The following ZMYND8 variants were observed in gnomAD, a reference collection of about 807,000 sequenced individuals.
ZMYND8 encodes zinc finger MYND-type containing 8, also known as MYND-type zinc finger-containing chromatin reader ZMYND8.
In ZMYND8, 37 loss-of-function variants were observed where a neutral mutation model predicts 140.8. The observed-to-expected ratio is 0.26, with a 90% CI of 0.20 to 0.35. The LOEUF (loss-of-function observed/expected upper bound fraction) is 0.35. Among genes scored for constraint, ZMYND8 ranks in the 10% least tolerant of loss-of-function variants. The probability of loss-of-function intolerance (pLI) is 1.00; values close to 1 mark genes in which losing one functional copy is unlikely to be tolerated. For missense variants in ZMYND8, 1,068 were observed against 1,570.0 expected, an observed-to-expected ratio of 0.68 and a Z score of 5.40; for synonymous variants, 592 against 597.1, an observed-to-expected ratio of 0.99 and a Z score of 0.12.
chr20:47,341,935 G>A (rs187572671), intron 2 of ZMYND8, among the ~76,000 whole-genome samples: 3 of 151,930 alleles, frequency 2.0e-5, no homozygotes, highest in African/African-American at 4.8e-5. Context: ...CCCGGGAGGC[G>A]GAGCTTGCAG....
chr20:47,300,592 T>TGAAAGA, intron 3 of ZMYND8, among the ~76,000 whole-genome samples: 1 of 152,334 alleles, frequency 6.6e-6, no homozygotes, highest in East Asian at 1.9e-4. Context: ...TAACATCAGT[T>TGAAAGA]TTGTCTTTTC....
chr20:47,331,779 G>A (rs948985992), intron 2 of ZMYND8, among the ~76,000 whole-genome samples: 3 of 152,168 alleles, frequency 2.0e-5, no homozygotes, highest in African/African-American at 7.2e-5. Flanking sequence ...CAGCAGATGA[G>A]GATGGAAAAC....
intron 14 of ZMYND8, among the ~76,000 whole-genome samples, chr20:47,245,667 G>A (rs1480338730): frequency 2.0e-5 from 3 of 152,234 alleles, no homozygotes; most frequent in Non-Finnish European, 4.4e-5. Context: ...GGAAATAAAT[G>A]AGCATATTGG....
chr20:47,269,946 A>C (rs1212087048), intron 11 of ZMYND8, among the ~76,000 whole-genome samples: 1 of 152,250 alleles, frequency 6.6e-6, no homozygotes, highest in African/African-American at 2.4e-5. Context: ...AAACATATTC[A>C]GAATACAAGG....
chr20:47,260,231 G>A (rs2075052516), intron 12 of ZMYND8, among the ~76,000 whole-genome samples: 1 of 152,088 alleles, frequency 6.6e-6, no homozygotes, highest in African/African-American at 2.4e-5. Context: ...AGTGGGTGGG[G>A]AAGTGTTACA....
intron 2 of ZMYND8, among the ~76,000 whole-genome samples, chr20:47,317,847 A>AAAAAGTAAAGGAC: frequency 6.6e-6 from 1 of 152,188 alleles, no homozygotes; most frequent in South Asian, 2.1e-4. Context: ...TAAAAAGGCA[A>AAAAAGTAAAGGAC]CTTAACCTCT....
intron 2 of ZMYND8, among the ~76,000 whole-genome samples, chr20:47,311,171 T>A (rs527866070): frequency 6.3e-4 from 96 of 152,258 alleles, no homozygotes; most frequent in African/African-American, 2.2e-3. Context: ...CACCGGGAAG[T>A]TCCCGTGCTC....
In ZMYND8 at chr20:47,302,167, T is replaced by C. The variant is rs1368336040; in HGVS notation, c.235-3220A>G. Among the ~76,000 whole-genome samples, 6 of 150,648 alleles carry C rather than the reference T, an allele frequency of 4.0e-5. No individual in the cohort carries two copies. The Admixed American group carries it at 4.0e-4, about 10-fold the overall frequency. ...AGAACAAACAAACTAATACAGTATG[T>C]ATGAAACATAAATGAATTTTATGTT... On this transcript the variant is annotated intron_variant, in intron 3 of 22. Transcript: ENST00000471951.
chr20:47,296,164 G>A lies in ZMYND8; in HGVS notation c.454-1385C>T, dbSNP rs534891210. On this transcript the variant is annotated intron_variant, in intron 4 of 22. Coordinates refer to ENST00000471951, the MANE Select transcript of ZMYND8 (RefSeq NM_001281775.3). ...TTCAGAGCCCCGAATCTTAGACACA[G>A]AGCACCTGTTTGTTTGATTCTGGTT... Among the ~76,000 whole-genome samples, 3 of 152,294 alleles carry A rather than the reference G, an allele frequency of 2.0e-5. No individual in the cohort carries two copies. The South Asian group carries it at 6.2e-4, about 32-fold the overall frequency.
intron 2 of ZMYND8, chr20:47,319,990 G>C (rs542725466): frequency 6.6e-6 from 1 of 152,338 alleles, no homozygotes; most frequent in African/African-American, 2.4e-5. Flanking sequence ...ATTGTGGCTG[G>C]CTGAGGAGCT....
intron 2 of ZMYND8, chr20:47,319,189 T>C: frequency 2.3e-6 from 1 of 443,682 alleles, no homozygotes; most frequent in Non-Finnish European, 4.1e-6. Flanking sequence ...AATCAGGCAG[T>C]CTGAAACCCA....
At chr20:47,225,579 G>A (rs369858614) in intron 18 of ZMYND8, among the ~76,000 whole-genome samples, 36 of 97,520 alleles carry the variant, frequency 3.7e-4, no homozygotes, top group Non-Finnish European at 6.2e-4. Context: ...GAGGGGAAGG[G>A]AGGGGAAGGA....
chr20:47,339,129 C>T (rs967698547), intron 2 of ZMYND8, among the ~76,000 whole-genome samples: 7 of 151,918 alleles, frequency 4.6e-5, no homozygotes, highest in Admixed American at 3.9e-4. Flanking sequence ...CCCACCTCCA[C>T]GCCCGGCTAA....
chr20:47,223,943 C>A (rs2037349975), intron 19 of ZMYND8, among the ~76,000 whole-genome samples: 1 of 151,938 alleles, frequency 6.6e-6, no homozygotes, highest in Non-Finnish European at 1.5e-5. Flanking sequence ...ACAGCAGTGT[C>A]AAAGATAGGT....
In ZMYND8 at chr20:47,265,417, C is replaced by T. The variant is rs6018372; in HGVS notation, c.1481-2989G>A. On this transcript the variant is annotated intron_variant, in intron 11 of 22. Coordinates refer to ENST00000471951, the MANE Select transcript of ZMYND8 (RefSeq NM_001281775.3). ...ACAGCCAAGTGAATCCATTTTCCTG[C>T]TCGACAGGTCAAGTTTGTTTGTTTG... Among the ~76,000 whole-genome samples the T allele has an allele frequency of 5.3e-3, 784 of 148,562 alleles. 8 individuals are homozygous for T. Among genetic ancestry groups the T allele is most frequent in the African/African-American group, 0.018 (707 of 38,906 alleles).
intron 1 of ZMYND8, 137 bp downstream of exon 1, chr20:47,356,520 C>CT (rs2083254153): frequency 1.9e-6 from 3 of 1,609,188 alleles, no homozygotes; most frequent in Non-Finnish European, 1.7e-6. Context: ...AAAATTCTCT[C>CT]TAAACAGTTC....
At chr20:47,347,211 A>G (rs1482413581) in intron 2 of ZMYND8, among the ~76,000 whole-genome samples, 4 of 152,228 alleles carry the variant, frequency 2.6e-5, no homozygotes, top group Non-Finnish European at 4.4e-5. Flanking sequence ...CCTGAAGGTA[A>G]AAGTGAATAA....
intron 3 of ZMYND8, among the ~76,000 whole-genome samples, chr20:47,302,434 G>A (rs2078126666): frequency 6.6e-6 from 1 of 152,156 alleles, no homozygotes. Flanking sequence ...TCCAGCCTGA[G>A]CGAAAGAGCG....
At position 47,311,245 on chromosome 20, in the gene ZMYND8, T is replaced by G. The variant is rs570980627; in HGVS notation, c.86-1041A>C. Among the ~76,000 whole-genome samples, 12 of 152,310 alleles carry G rather than the reference T, an allele frequency of 7.9e-5. No homozygotes were observed. In the South Asian group the frequency reaches 1.2e-3, roughly 16 times the overall value. ...AAAAGATCAATACAAATTACATCCT[T>G]GTGGATTCTCACCAGCCCCACTCTT... On this transcript the variant is annotated intron_variant, in intron 2 of 22. Coordinates refer to ENST00000471951, the MANE Select transcript of ZMYND8 (RefSeq NM_001281775.3).
Sources: allele counts gnomAD v4.1 joint callset (sites outside exome capture counted in the v4.1 genomes callset), GRCh38; gene constraint gnomAD v4.1.1; transcripts MANE v1.5; gene names NCBI Gene and HGNC (gene_info 2026-07-23, HGNC 2026-07-21).